Variants in CDH13 observed in about 807,000 individuals in gnomAD.
The protein encoded by CDH13 is cadherin-13.
In CDH13, 24 loss-of-function variants were observed where a neutral mutation model predicts 63.8. The observed-to-expected ratio is 0.38, with a 90% confidence interval of 0.27 to 0.53. The LOEUF (loss-of-function observed/expected upper bound fraction) is 0.53, where lower values mean the gene tolerates loss of function less well. Among genes scored for constraint, CDH13 ranks in the 20% least tolerant of loss-of-function variants. The pLI, the probability that CDH13 is intolerant of heterozygous loss-of-function variation, is 0.85. For missense variants in CDH13, 1,049 were observed against 903.1 expected, an observed-to-expected ratio of 1.16 and a Z score of -2.07; for synonymous variants, 503 against 355.3, an observed-to-expected ratio of 1.42 and a Z score of -4.67.
At chr16:82,733,849 T>C (rs1292165356) in intron 1 of CDH13, among the ~76,000 whole-genome samples, 1 of 152,244 alleles carries the variant, frequency 6.6e-6, no homozygotes, top group Admixed American at 6.5e-5. Flanking sequence ...TGTATGCACT[T>C]ATTCTTGCAT....
At chr16:83,167,119 C>T (rs922570353) in intron 4 of CDH13, among the ~76,000 whole-genome samples, 13 of 151,514 alleles carry the variant, frequency 8.6e-5, no homozygotes, top group African/African-American at 1.7e-4. Flanking sequence ...TATTGGCAAA[C>T]GTATTTGCAG....
chr16:83,152,794 G>A (rs950665271), intron 4 of CDH13, among the ~76,000 whole-genome samples: 1 of 152,096 alleles, frequency 6.6e-6, no homozygotes, highest in Non-Finnish European at 1.5e-5. Flanking sequence ...ATAGGGTTGT[G>A]GCAGATATAA....
intron 1 of CDH13, among the ~76,000 whole-genome samples, chr16:82,855,862 G>A (rs893819569): frequency 2.6e-5 from 4 of 152,140 alleles, no homozygotes; most frequent in Non-Finnish European, 5.9e-5. Flanking sequence ...GTGCATTTCA[G>A]AGGGCTGGTA....
intron 5 of CDH13, among the ~76,000 whole-genome samples, chr16:83,272,790 G>A (rs1379946522): frequency 6.6e-6 from 1 of 152,184 alleles, no homozygotes; most frequent in Admixed American, 6.5e-5. Flanking sequence ...CAGAGTCAAC[G>A]TGGGAAATGT....
chr16:82,723,891 T>C (rs974792465), intron 1 of CDH13, among the ~76,000 whole-genome samples: 14 of 152,202 alleles, frequency 9.2e-5, no homozygotes, highest in African/African-American at 3.4e-4. Flanking sequence ...CAGTCTTACC[T>C]GTTATTTTTT....
At chr16:83,066,352 A>C (rs535555798) in intron 3 of CDH13, among the ~76,000 whole-genome samples, 7 of 152,184 alleles carry the variant, frequency 4.6e-5, no homozygotes, top group Non-Finnish European at 7.3e-5. Context: ...TTTCGGAGAC[A>C]TGCAGGCTTC....
intron 5 of CDH13, among the ~76,000 whole-genome samples, chr16:83,260,157 A>G (rs1415543842): frequency 6.8e-6 from 1 of 147,614 alleles, no homozygotes; most frequent in African/African-American, 2.5e-5. Flanking sequence ...CTCTCAAAAC[A>G]AAGTTTACAA....
intron 7 of CDH13, among the ~76,000 whole-genome samples, chr16:83,534,529 A>T (rs898462965): frequency 6.6e-6 from 1 of 152,212 alleles, no homozygotes; most frequent in African/African-American, 2.4e-5. Context: ...TGTGAAATGA[A>T]TGTACATGGC....
intron 6 of CDH13, among the ~76,000 whole-genome samples, chr16:83,448,167 GA>G (rs990745162): frequency 1.1e-4 from 17 of 152,092 alleles, no homozygotes; most frequent in African/African-American, 3.4e-4. Flanking sequence ...GTGAGCTAAA[GA>G]TTTTTTTTTT....
chr16:82,860,385 GTGT>G (rs763131048), intron 2 of CDH13, among the ~76,000 whole-genome samples: 2,454 of 70,578 alleles, frequency 0.035, 246 homozygotes, highest in African/African-American at 0.085. Context: ...GTGTGTGTGT[GTGT>G]GGGGGGGGGG....
At chr16:83,743,748 C>CTTTTTTCTTTT (rs1912281994) in intron 10 of CDH13, among the ~76,000 whole-genome samples, 30 of 76,244 alleles carry the variant, frequency 3.9e-4, no homozygotes, top group African/African-American at 1.6e-3. Flanking sequence ...TTTCTTTTTT[C>CTTTTTTCTTTT]TTTTTTTTTT....
intron 2 of CDH13, among the ~76,000 whole-genome samples, chr16:83,020,325 G>A (rs1915229381): frequency 6.6e-6 from 1 of 152,076 alleles, no homozygotes; most frequent in Admixed American, 6.6e-5. Context: ...CTTCTTCCAT[G>A]TCCTCTCATT....
At chr16:82,682,871 C>G (rs148644406) in intron 1 of CDH13, among the ~76,000 whole-genome samples, 288 of 152,262 alleles carry the variant, frequency 1.9e-3, no homozygotes, top group Non-Finnish European at 3.4e-3. Flanking sequence ...CATGACCCAG[C>G]CACAGTTAGG....
chr16:83,644,684 C>G (rs1011476004), intron 8 of CDH13, among the ~76,000 whole-genome samples: 1 of 152,170 alleles, frequency 6.6e-6, no homozygotes, highest in East Asian at 1.9e-4. Flanking sequence ...GGTCCAGAAA[C>G]GCATCTGGTA....
At chr16:83,236,894 G>A (rs1320064662) in intron 5 of CDH13, among the ~76,000 whole-genome samples, 4 of 152,002 alleles carry the variant, frequency 2.6e-5, no homozygotes. Context: ...CAGAGGTGGT[G>A]GTTCTACAAC....
intron 10 of CDH13, among the ~76,000 whole-genome samples, chr16:83,688,595 G>A (rs1409137876): frequency 6.6e-6 from 1 of 152,152 alleles, no homozygotes; most frequent in Non-Finnish European, 1.5e-5. Flanking sequence ...CAGGATCTGG[G>A]ATGAGGTCAT....
At chr16:82,879,625 A>G (rs1278835923) in intron 2 of CDH13, among the ~76,000 whole-genome samples, 1 of 140,774 alleles carries the variant, frequency 7.1e-6, no homozygotes, top group East Asian at 2.0e-4. Context: ...TACATAATAT[A>G]AAATATCTAT....
chr16:83,175,198 A>G (rs1001550299), intron 4 of CDH13, among the ~76,000 whole-genome samples: 3 of 152,136 alleles, frequency 2.0e-5, no homozygotes, highest in African/African-American at 7.2e-5. Context: ...CAAACATGCC[A>G]CAGGATAACA....
chr16:83,183,640 T>G (rs549445526), intron 4 of CDH13, among the ~76,000 whole-genome samples: 4 of 152,234 alleles, frequency 2.6e-5, no homozygotes, highest in Non-Finnish European at 5.9e-5. Flanking sequence ...TGTGTTTAGT[T>G]TGGCTTCCAT....
Sources: allele counts gnomAD v4.1 joint callset (sites outside exome capture counted in the v4.1 genomes callset), GRCh38; gene constraint gnomAD v4.1.1; transcripts MANE v1.5; gene names NCBI Gene and HGNC (gene_info 2026-07-23, HGNC 2026-07-21).